Variants in HMGA2 observed in about 807,000 individuals in gnomAD.
HMGA2 encodes high mobility group AT-hook 2.
In HMGA2, 8 loss-of-function variants were observed where a neutral mutation model predicts 19.1. That is an observed-to-expected ratio of 0.42 (90% CI 0.25 to 0.76). The LOEUF is 0.76. Among genes scored for constraint, HMGA2 ranks in the 30% least tolerant of loss-of-function variants. The pLI is 0.28. For missense variants in HMGA2, 109 were observed against 136.3 expected (o/e 0.80, Z 1.00); for synonymous variants, 60 against 48.8 (o/e 1.23, Z -0.96).
At chr12:65,866,952 A>T (rs1565713972) in intron 3 of HMGA2, 1 of 456,772 alleles carries the variant, frequency 2.2e-6, no homozygotes, top group East Asian at 6.9e-5. Flanking sequence ...TCCCATCTTG[A>T]CACTGGTAGA....
chr12:65,905,238 G>A (rs1874540880), intron 3 of HMGA2, among the ~76,000 whole-genome samples: 1 of 151,610 alleles, frequency 6.6e-6, no homozygotes, highest in African/African-American at 2.4e-5. Flanking sequence ...ACTAAAATGG[G>A]CATTTTTCTG....
At chr12:65,854,936 G>C (rs1317946012) in intron 3 of HMGA2, among the ~76,000 whole-genome samples, 1 of 152,146 alleles carries the variant, frequency 6.6e-6, no homozygotes, top group East Asian at 1.9e-4. Context: ...GGCTGGCCCT[G>C]GCAAAATCAT....
At chr12:65,960,453 C>G (rs939152007) in intron 4 of HMGA2, among the ~76,000 whole-genome samples, 4 of 152,142 alleles carry the variant, frequency 2.6e-5, no homozygotes, top group Non-Finnish European at 5.9e-5. Flanking sequence ...GCACACTTGT[C>G]GTACAGAATC....
At chr12:65,930,082 C>G (rs949967794) in intron 3 of HMGA2, among the ~76,000 whole-genome samples, 8 of 152,068 alleles carry the variant, frequency 5.3e-5, no homozygotes. Context: ...ATTGTAAGCC[C>G]CAGTATAGTT....
chr12:65,878,552 T>C (rs1212973803), intron 3 of HMGA2, among the ~76,000 whole-genome samples: 1 of 152,246 alleles, frequency 6.6e-6, no homozygotes, highest in Admixed American at 6.5e-5. Context: ...GCCATTAATA[T>C]TGACATCAAA....
At chr12:65,890,383 T>A (rs539501389) in intron 3 of HMGA2, among the ~76,000 whole-genome samples, 1 of 152,340 alleles carries the variant, frequency 6.6e-6, no homozygotes, top group African/African-American at 2.4e-5. Context: ...AGGTGTTAGC[T>A]TTTAGTTTTT....
chr12:65,935,354 G>GAATAATC (rs886394605), intron 3 of HMGA2, among the ~76,000 whole-genome samples: 6 of 152,148 alleles, frequency 3.9e-5, no homozygotes, highest in African/African-American at 1.4e-4. Flanking sequence ...ATTTGCTCGA[G>GAATAATC]AATAATCTAT....
intron 3 of HMGA2, among the ~76,000 whole-genome samples, chr12:65,864,441 T>C (rs1229089263): frequency 6.6e-6 from 1 of 152,124 alleles, no homozygotes; most frequent in Non-Finnish European, 1.5e-5. Context: ...ATTAGGAAAA[T>C]AATAGTGTTG....
At chr12:65,891,637 G>C (rs1399984048) in intron 3 of HMGA2, among the ~76,000 whole-genome samples, 1 of 152,208 alleles carries the variant, frequency 6.6e-6, no homozygotes, top group Middle Eastern at 3.2e-3. Context: ...GATGGGAGAA[G>C]AGCAGTTTTC....
chr12:65,871,545 C>T (rs1351565918), intron 3 of HMGA2, among the ~76,000 whole-genome samples: 1 of 152,208 alleles, frequency 6.6e-6, no homozygotes, highest in Non-Finnish European at 1.5e-5. Context: ...TTTTCCTTCT[C>T]ATGAGAATTT....
chr12:65,836,686 G>A (rs184215851), intron 2 of HMGA2, among the ~76,000 whole-genome samples: 15 of 152,268 alleles, frequency 9.9e-5, no homozygotes, highest in Admixed American at 8.5e-4. Flanking sequence ...CTGGGCTTTC[G>A]CTAAATTCAT....
chr12:65,909,958 T>C (rs906624743), intron 3 of HMGA2, among the ~76,000 whole-genome samples: 10 of 152,212 alleles, frequency 6.6e-5, no homozygotes, highest in African/African-American at 2.2e-4. Flanking sequence ...GCACATCGTC[T>C]TGGATGTTGA....
chr12:65,848,995 A>G (rs926800449), intron 3 of HMGA2, among the ~76,000 whole-genome samples: 2 of 152,246 alleles, frequency 1.3e-5, no homozygotes, highest in African/African-American at 4.8e-5. Flanking sequence ...AGGTGAGATA[A>G]TAACTGTATG....
chr12:65,903,317 A>G (rs1248998177), intron 3 of HMGA2, among the ~76,000 whole-genome samples: 1 of 152,260 alleles, frequency 6.6e-6, no homozygotes, highest in Non-Finnish European at 1.5e-5. Context: ...TTAAATGTAT[A>G]TATGGCCAAT....
At chr12:65,896,197 C>T (rs764258280) in intron 3 of HMGA2, among the ~76,000 whole-genome samples, 8 of 152,172 alleles carry the variant, frequency 5.3e-5, no homozygotes, top group Non-Finnish European at 8.8e-5. Flanking sequence ...TTCAAATGTT[C>T]ATTGCATCTG....
chr12:65,842,871 TG>T (rs1480802286), intron 3 of HMGA2: 6 of 1,290,166 alleles, frequency 4.7e-6, no homozygotes, highest in Non-Finnish European at 5.9e-6. Context: ...TTTTAGAGAG[TG>T]GGGCTCAGGC....
At chr12:65,953,193 A>C (rs1283640645) in intron 4 of HMGA2, 2 of 152,084 alleles carry the variant, frequency 1.3e-5, no homozygotes, top group Non-Finnish European at 2.9e-5. Context: ...TTTTTTATGA[A>C]CTCCCTAAGT....
intron 3 of HMGA2, among the ~76,000 whole-genome samples, chr12:65,928,466 C>T (rs1408831697): frequency 6.6e-6 from 1 of 152,066 alleles, no homozygotes; most frequent in East Asian, 1.9e-4. Flanking sequence ...TTGGGCTACA[C>T]TAAATTTATA....
intron 3 of HMGA2, among the ~76,000 whole-genome samples, chr12:65,901,931 G>T (rs1248708931): frequency 2.6e-5 from 4 of 152,166 alleles, no homozygotes; most frequent in Admixed American, 6.5e-5. Context: ...ATATTCTGAA[G>T]TATGTGAAAA....
Sources: gnomAD v4.1 joint callset for allele counts (sites outside exome capture counted in the v4.1 genomes callset) on GRCh38, gnomAD v4.1.1 for gene constraint, MANE v1.5 for transcripts, NCBI Gene and HGNC (gene_info 2026-07-23, HGNC 2026-07-21) for gene names.